ZC3H18: variants seen among roughly 807,000 people sequenced by gnomAD.
ZC3H18 encodes the protein zinc finger CCCH domain-containing protein 18.
Under a neutral mutation model 106.1 loss-of-function variants are expected in ZC3H18, and 8 were observed. That is an observed-to-expected ratio of 0.08 (90% CI 0.04 to 0.14). ZC3H18 has a LOEUF of 0.14. Ranked by LOEUF, ZC3H18 falls within the 10% of genes least tolerant of loss-of-function variation. The pLI is 1.00. For synonymous variants in ZC3H18, 635 were observed against 522.1 expected, an observed-to-expected ratio of 1.22 and a Z score of -2.95; for missense variants, 1,318 against 1,278.4, an observed-to-expected ratio of 1.03 and a Z score of -0.47.
chr16:88,614,311 C>G (rs1905445969), intron 8 of ZC3H18, among the ~76,000 whole-genome samples: 1 of 152,264 alleles, frequency 6.6e-6, no homozygotes, highest in Non-Finnish European at 1.5e-5. Flanking sequence ...GACTGTGGCT[C>G]TGGAAGGATT....
chr16:88,578,461 A>G (rs940891523), intron 2 of ZC3H18, among the ~76,000 whole-genome samples: 9 of 152,018 alleles, frequency 5.9e-5, no homozygotes, highest in African/African-American at 1.9e-4. Flanking sequence ...CTCCTGAGTG[A>G]TACTTGCCGG....
rs763920166 is a variant in ZC3H18, at chr16:88,628,852, G to T, written c.2564G>T (p.Arg855Leu). 9 of 1,614,024 alleles carry T rather than the reference G, an allele frequency of 5.6e-6. No homozygotes were observed. The Middle Eastern group carries it at 5.0e-4, about 89-fold the overall frequency. ...PAKRPNTSPDRGSRDRKSGGR... is the reference protein window; with the variant it reads ...PAKRPNTSPDLGSRDRKSGGR... ...AAGCGGCCCAACACATCCCCAGACC[G>T]AGGTGAGCCTCCCAGCCCCTAGGGG... The change falls in exon 16 of 18, where the codon CGA (arginine) becomes CTA (leucine). Residue 855 changes from arginine to leucine, a missense_variant and splice_region_variant. Physicochemically the swap from Arg to Leu is moderately radical, Grantham distance 102. Transcript: ENST00000301011.
chr16:88,573,753 C>G (rs771206158), intron 1 of ZC3H18, among the ~76,000 whole-genome samples: 1 of 151,878 alleles, frequency 6.6e-6, no homozygotes, highest in Non-Finnish European at 1.5e-5. Flanking sequence ...AGTCCTGTCT[C>G]TGGATAGTAA....
chr16:88,580,847 G>A (rs1256314596), intron 2 of ZC3H18, among the ~76,000 whole-genome samples: 2 of 152,082 alleles, frequency 1.3e-5, no homozygotes, highest in African/African-American at 2.4e-5. Flanking sequence ...CATTTTTCTC[G>A]TTGCTTTCAA....
intron 8 of ZC3H18, among the ~76,000 whole-genome samples, chr16:88,616,823 G>T (rs1905637940): frequency 6.6e-6 from 1 of 152,136 alleles, no homozygotes; most frequent in East Asian, 1.9e-4. Flanking sequence ...CACGAATGAG[G>T]GGCTCTGCAG....
Position 88,586,629 on chromosome 16 carries a change from G to A in ZC3H18, c.633G>A (p.Lys211=). Residue 211 remains lysine (K), a synonymous_variant, in exon 3 of 18, where the codon AAG becomes AAA. Coordinates refer to ENST00000301011, the MANE Select transcript of ZC3H18 (RefSeq NM_144604.4). ...DDDDLEEGEV[K]DPSDRKVRPR... ...ATGACCTGGAAGAAGGTGAAGTGAA[G>A]GACCCCAGTGACAGGAAGGTGAGGC... 6.2e-7 allele frequency: 1 copy of A among 1,614,214 alleles called. No homozygotes were observed. Among genetic ancestry groups the A allele is most frequent in the Non-Finnish European group, 8.5e-7 (1 of 1,180,030 alleles).
intron 3 of ZC3H18, among the ~76,000 whole-genome samples, chr16:88,597,628 A>G (rs1049515977): frequency 2.6e-5 from 4 of 152,182 alleles, no homozygotes; most frequent in African/African-American, 9.7e-5. Context: ...GTTATTTATG[A>G]GCAAAGTGTA....
intron 8 of ZC3H18, among the ~76,000 whole-genome samples, chr16:88,621,501 G>GGC (rs1376969540): frequency 6.6e-6 from 1 of 152,174 alleles, no homozygotes; most frequent in Non-Finnish European, 1.5e-5. Context: ...TGGGATTACA[G>GGC]GTGAGCCACC....
intron 7 of ZC3H18, among the ~76,000 whole-genome samples, chr16:88,610,255 G>T (rs1430635972): frequency 6.6e-6 from 1 of 152,212 alleles, no homozygotes; most frequent in East Asian, 1.9e-4. Context: ...TCAGTTAGAA[G>T]CTGCTGTGTA....
chr16:88,579,669 A>G (rs1234092206), intron 2 of ZC3H18, among the ~76,000 whole-genome samples: 1 of 152,096 alleles, frequency 6.6e-6, no homozygotes, highest in African/African-American at 2.4e-5. Flanking sequence ...ATTTTTGCCT[A>G]CCTAGACCTT....
At chr16:88,571,077 C>T (rs1023434178) in intron 1 of ZC3H18, among the ~76,000 whole-genome samples, 1 of 152,214 alleles carries the variant, frequency 6.6e-6, no homozygotes, top group African/African-American at 2.4e-5. Flanking sequence ...GCGCCGGTCT[C>T]TTAGGAGTAT....
chr16:88,578,069 C>G (rs1338852926), intron 2 of ZC3H18, among the ~76,000 whole-genome samples: 1 of 152,328 alleles, frequency 6.6e-6, no homozygotes, highest in Middle Eastern at 3.4e-3. Flanking sequence ...TCTTTGCCGT[C>G]TTCAAGTGAT....
At chr16:88,575,827 C>T (rs575580853) in intron 1 of ZC3H18, among the ~76,000 whole-genome samples, 1 of 151,968 alleles carries the variant, frequency 6.6e-6, no homozygotes, top group African/African-American at 2.4e-5. Flanking sequence ...GATCCTCCTG[C>T]GTCAGACTCC....
chr16:88,621,596 T>C (rs1905966042), intron 8 of ZC3H18, among the ~76,000 whole-genome samples: 1 of 152,016 alleles, frequency 6.6e-6, no homozygotes, highest in Non-Finnish European at 1.5e-5. Flanking sequence ...GACCTCATGA[T>C]CCGCCCACCT....
chr16:88,630,166 T>G, intron 16 of ZC3H18: 3 of 305,198 alleles, frequency 9.8e-6, no homozygotes, highest in Non-Finnish European at 1.8e-5. Context: ...TGCCATGTCT[T>G]TCTTGTTGTT....
chr16:88,618,314 TCACAGAACAAG>T (rs1905750410), intron 8 of ZC3H18, among the ~76,000 whole-genome samples: 1 of 152,152 alleles, frequency 6.6e-6, no homozygotes, highest in Non-Finnish European at 1.5e-5. Flanking sequence ...CCACAGGCAC[TCACAGAACAAG>T]CCAGGAGAGA....
At chr16:88,622,482 GC>G in intron 9 of ZC3H18, 94 bp downstream of exon 9, 1 of 1,375,618 alleles carries the variant, frequency 7.3e-7, no homozygotes, top group Non-Finnish European at 9.7e-7. Flanking sequence ...GAACACCCCA[GC>G]CCCACTGTTT....
chr16:88,620,788 TGCTC>T (rs1905910107), intron 8 of ZC3H18, among the ~76,000 whole-genome samples: 8 of 152,090 alleles, frequency 5.3e-5, no homozygotes, highest in Non-Finnish European at 1.2e-4. Flanking sequence ...TTAATTCCAT[TGCTC>T]AGGAGTTTAC....
In ZC3H18 at chr16:88,611,317, G is replaced by C; in HGVS notation, c.1256G>C (p.Arg419Pro). The C allele has an allele frequency of 2.7e-6, 2 of 740,658 alleles. No homozygotes were observed. Among genetic ancestry groups the C allele is most frequent in the South Asian group, 2.9e-5 (2 of 68,462 alleles). 45.9% of individuals were successfully genotyped at this position (740,658 alleles called of 1,614,324 possible). Residue 419 changes from arginine (R) to proline (P), a missense_variant, in exon 8 of 18, where the codon CGG (arginine) becomes CCG (proline). Transcript: ENST00000301011. ...GAGAACAGACAGCGCGAGCGCGAGC[G>C]GGAGCGGGAGCGGGACCGAGAGCGG... ...ERENRQRERE[R>P]ERERDRERER...
Sources: gnomAD v4.1 joint callset for allele counts (sites outside exome capture counted in the v4.1 genomes callset) on GRCh38, gnomAD v4.1.1 for gene constraint, MANE v1.5 for transcripts, NCBI Gene and HGNC (gene_info 2026-07-23, HGNC 2026-07-21) for gene names.